The following ASTN2 variants were observed in gnomAD, a reference collection of about 807,000 sequenced individuals.
ASTN2 encodes the protein astrotactin 2, also known as astrotactin-2.
A neutral mutation model predicts 139.8 loss-of-function variants in ASTN2; 54 were observed. That is an observed-to-expected ratio of 0.39 (90% CI 0.31 to 0.48). ASTN2 has a LOEUF of 0.48. Ranked by LOEUF, ASTN2 falls within the 20% of genes least tolerant of loss-of-function variation. The pLI is 0.95. For missense variants in ASTN2, 1,565 were observed against 1,725.1 expected (o/e 0.91, Z 1.64); for synonymous variants, 756 against 719.5 (o/e 1.05, Z -0.81).
intron 16 of ASTN2, among the ~76,000 whole-genome samples, chr9:116,690,145 C>CTCT (rs1451512999): frequency 6.6e-6 from 1 of 152,210 alleles, no homozygotes; most frequent in Non-Finnish European, 1.5e-5. Flanking sequence ...AAACTCCTTA[C>CTCT]TCTAATTTCC....
chr9:116,774,005 G>T (rs1830018699), intron 13 of ASTN2, among the ~76,000 whole-genome samples: 1 of 152,170 alleles, frequency 6.6e-6, no homozygotes, highest in Non-Finnish European at 1.5e-5. Flanking sequence ...TAGAATCATA[G>T]GATATAAAAA....
intron 2 of ASTN2, among the ~76,000 whole-genome samples, chr9:117,288,145 G>A (rs549358329): frequency 3.9e-5 from 6 of 152,204 alleles, no homozygotes; most frequent in Admixed American, 3.3e-4. Flanking sequence ...AAGAGGAGAT[G>A]ACTGTTTACT....
intron 10 of ASTN2, among the ~76,000 whole-genome samples, chr9:116,872,859 A>C (rs1188525077): frequency 6.6e-6 from 1 of 152,100 alleles, no homozygotes; most frequent in Admixed American, 6.5e-5. Context: ...CTGGACTGTC[A>C]AGGAGGAGGT....
intron 4 of ASTN2, among the ~76,000 whole-genome samples, chr9:117,127,759 C>T (rs1352371854): frequency 7.4e-6 from 1 of 135,460 alleles, no homozygotes; most frequent in Non-Finnish European, 1.5e-5. Context: ...TGGCTCACTG[C>T]AAGCTCCACC....
chr9:116,517,422 A>T (rs1286832705), intron 19 of ASTN2, among the ~76,000 whole-genome samples: 1 of 152,188 alleles, frequency 6.6e-6, no homozygotes, highest in Non-Finnish European at 1.5e-5. Context: ...ACTACATTTC[A>T]GCTCTGAGGA....
chr9:116,586,061 G>T (rs1256442732), intron 19 of ASTN2: 1 of 152,156 alleles, frequency 6.6e-6, no homozygotes, highest in East Asian at 1.9e-4. Context: ...CACATTACTA[G>T]TCATCAGAGA....
chr9:117,058,766 G>A (rs1839145293), intron 5 of ASTN2, among the ~76,000 whole-genome samples: 1 of 152,160 alleles, frequency 6.6e-6, no homozygotes, highest in Non-Finnish European at 1.5e-5. Context: ...GGGGATGGGA[G>A]ATCAGACATG....
intron 6 of ASTN2, among the ~76,000 whole-genome samples, chr9:117,026,170 C>T (rs1374615265): frequency 6.6e-6 from 1 of 151,940 alleles, no homozygotes; most frequent in African/African-American, 2.4e-5. Context: ...GGTCTCACAT[C>T]GGGATGCTGG....
At chr9:117,235,093 G>C (rs1429333903) in intron 2 of ASTN2, among the ~76,000 whole-genome samples, 1 of 152,108 alleles carries the variant, frequency 6.6e-6, no homozygotes, top group Non-Finnish European at 1.5e-5. Context: ...AATTAGCTGA[G>C]CATGGTGACA....
At chr9:117,227,614 C>T (rs770367789) in intron 2 of ASTN2, among the ~76,000 whole-genome samples, 15 of 152,074 alleles carry the variant, frequency 9.9e-5, no homozygotes, top group Non-Finnish European at 2.2e-4. Context: ...ACCCGAGGAC[C>T]GAAAAGGCTG....
intron 10 of ASTN2, among the ~76,000 whole-genome samples, chr9:116,892,792 T>C (rs1833795284): frequency 1.3e-5 from 2 of 152,168 alleles, no homozygotes; most frequent in African/African-American, 4.8e-5. Context: ...TGTCATGGGA[T>C]GACTGCCTAA....
At chr9:116,436,440 A>G (rs1847651620) in intron 22 of ASTN2, among the ~76,000 whole-genome samples, 1 of 152,172 alleles carries the variant, frequency 6.6e-6, no homozygotes, top group Non-Finnish European at 1.5e-5. Flanking sequence ...TCATCTCATT[A>G]CTCAATTACT....
intron 1 of ASTN2, among the ~76,000 whole-genome samples, chr9:117,369,996 C>T (rs746996798): frequency 2.6e-5 from 4 of 152,082 alleles, no homozygotes; most frequent in South Asian, 2.1e-4. Context: ...AGTTAACAAG[C>T]GATGAGCGGG....
intron 1 of ASTN2, among the ~76,000 whole-genome samples, chr9:117,358,438 A>G (rs1587978234): frequency 6.6e-6 from 1 of 152,194 alleles, no homozygotes; most frequent in East Asian, 1.9e-4. Flanking sequence ...CTTAGTCCTA[A>G]GGTTGCAAAC....
chr9:116,820,619 G>A lies in ASTN2; in HGVS notation c.2205C>T (p.Cys735=), dbSNP rs747342135. The A allele has an allele frequency of 4.4e-5, 71 of 1,613,152 alleles. No individual in the cohort carries two copies. Among genetic ancestry groups the A allele is most frequent in the Admixed American group, 1.7e-4 (10 of 59,964 alleles). The change falls in exon 12 of 23, where the codon TGC becomes TGT. Residue 735 remains cysteine, a splice_region_variant and synonymous_variant. Transcript: ENST00000313400. ...DATSSTIFMF[C]GCVEEYKLAP... is the part of the protein sequence containing the mutation. ...GGGCCTTGGGGACAGAGACTCACCC[G>A]CAGAACATGAAGATGGTGCTCGAAG...
intron 13 of ASTN2, among the ~76,000 whole-genome samples, chr9:116,802,516 T>A (rs1564275448): frequency 6.6e-6 from 1 of 152,168 alleles, no homozygotes; most frequent in Non-Finnish European, 1.5e-5. Flanking sequence ...TCCCTGCATG[T>A]AAAATGAGAT....
chr9:116,501,864 A>G lies in ASTN2; in HGVS notation c.3356-14364T>C, dbSNP rs1244590619. Among the ~76,000 whole-genome samples the G allele has an allele frequency of 2.0e-5, 3 of 151,884 alleles. No homozygotes were observed. The South Asian group carries it at 6.2e-4, about 32-fold the overall frequency. On this transcript the variant is annotated intron_variant, in intron 19 of 22. Coordinates refer to ENST00000313400, the MANE Select transcript of ASTN2 (RefSeq NM_001365068.1). ...ACTTAAAGTATAATAATAAAAAAAA[A>G]AAACAGCACCAGTGGGATTGAATGA...
At chr9:116,602,726 C>T (rs187059552) in intron 19 of ASTN2, among the ~76,000 whole-genome samples, 218 of 152,134 alleles carry the variant, frequency 1.4e-3, no homozygotes, top group African/African-American at 5.2e-3. Context: ...CTCAGGAGTT[C>T]GAGACCAGCC....
chr9:116,601,882 G>A (rs1254200808), intron 19 of ASTN2, among the ~76,000 whole-genome samples: 1 of 152,176 alleles, frequency 6.6e-6, no homozygotes, highest in Non-Finnish European at 1.5e-5. Flanking sequence ...TACATTGATT[G>A]TTATGATTGG....
Sources: gnomAD v4.1 joint callset for allele counts (sites outside exome capture counted in the v4.1 genomes callset) on GRCh38, gnomAD v4.1.1 for gene constraint, MANE v1.5 for transcripts, NCBI Gene and HGNC (gene_info 2026-07-23, HGNC 2026-07-21) for gene names.